Variants in PHLDB2 observed in about 807,000 individuals in gnomAD.
PHLDB2 encodes pleckstrin homology like domain family B member 2.
In PHLDB2, 71 loss-of-function variants were observed where a neutral mutation model predicts 123.6. The ratio of observed to expected loss-of-function variants is 0.57; its 90% confidence interval spans 0.47 to 0.70. PHLDB2 has a LOEUF of 0.70. Ranked by LOEUF, PHLDB2 falls within the 30% of genes least tolerant of loss-of-function variation. The probability of loss-of-function intolerance (pLI) is 0.00; values close to 1 mark genes in which losing one functional copy is unlikely to be tolerated. For synonymous variants in PHLDB2, 547 were observed against 541.6 expected, an observed-to-expected ratio of 1.01 and a Z score of -0.14; for missense variants, 1,446 against 1,519.5, an observed-to-expected ratio of 0.95 and a Z score of 0.80.
chr3:111,950,604 C>CT (rs2070650017), intron 10 of PHLDB2, among the ~76,000 whole-genome samples: 1 of 150,058 alleles, frequency 6.7e-6, no homozygotes, highest in South Asian at 2.1e-4. Flanking sequence ...CTTGGGTATT[C>CT]AAAAAAAAAA....
chr3:111,966,542 GTGTGTGTA>G, intron 13 of PHLDB2, 63 bp from the exon 14 acceptor site: 8 of 891,336 alleles, frequency 9.0e-6, no homozygotes, highest in African/African-American at 1.7e-5. Context: ...GTGTGTGTGT[GTGTGTGTA>G]TGTATTAGAG....
chr3:111,870,702 T>C (rs141000268), intron 1 of PHLDB2, among the ~76,000 whole-genome samples: 1 of 152,142 alleles, frequency 6.6e-6, no homozygotes, highest in Non-Finnish European at 1.5e-5. Flanking sequence ...ACCACAGAAA[T>C]ACCCCCACAG....
chr3:111,951,225 A>C (rs1286601255), intron 10 of PHLDB2, among the ~76,000 whole-genome samples: 2 of 152,178 alleles, frequency 1.3e-5, no homozygotes, highest in Non-Finnish European at 2.9e-5. Flanking sequence ...CATGAATTCT[A>C]GCTCTGCCGC....
chr3:111,760,742 T>C (rs1326859430), intron 1 of PHLDB2, among the ~76,000 whole-genome samples: 1 of 152,146 alleles, frequency 6.6e-6, no homozygotes, highest in South Asian at 2.1e-4. Context: ...GAAGCAAAAT[T>C]TGAATCAGAG....
chr3:111,760,969 G>A (rs2059982386), intron 1 of PHLDB2, among the ~76,000 whole-genome samples: 1 of 151,880 alleles, frequency 6.6e-6, no homozygotes, highest in African/African-American at 2.4e-5. Context: ...GGTGGATCAC[G>A]AGGTCAGGTG....
intron 1 of PHLDB2, among the ~76,000 whole-genome samples, chr3:111,773,327 A>G (rs2060210346): frequency 6.6e-6 from 1 of 152,178 alleles, no homozygotes; most frequent in Admixed American, 6.5e-5. Context: ...AATTCACATT[A>G]AAGTATGAGA....
At chr3:111,852,736 GA>G (rs1186561809) in intron 2 of PHLDB2, among the ~76,000 whole-genome samples, 1 of 142,536 alleles carries the variant, frequency 7.0e-6, no homozygotes, top group African/African-American at 2.6e-5. Flanking sequence ...ACACAGCTGG[GA>G]TAGGTTAATC....
chr3:111,857,745 CA>C (rs2064585974), upstream of PHLDB2, among the ~76,000 whole-genome samples: 1 of 152,044 alleles, frequency 6.6e-6, no homozygotes, highest in African/African-American at 2.4e-5. Flanking sequence ...AAATCAAAAC[CA>C]CAACGAGATA....
At chr3:111,890,897 G>A (rs567881314) in intron 2 of PHLDB2, among the ~76,000 whole-genome samples, 1 of 152,110 alleles carries the variant, frequency 6.6e-6, no homozygotes, top group East Asian at 1.9e-4. Context: ...TCATGCTTTG[G>A]TCATTTTTGC....
At chr3:111,892,513 CTG>C (rs760305388) in intron 2 of PHLDB2, among the ~76,000 whole-genome samples, 2 of 152,138 alleles carry the variant, frequency 1.3e-5, no homozygotes, top group Non-Finnish European at 2.9e-5. Flanking sequence ...TAATCTGTGA[CTG>C]TAGTTTGCAT....
intron 1 of PHLDB2, among the ~76,000 whole-genome samples, chr3:111,834,079 ACT>A (rs1323040766): frequency 8.6e-5 from 9 of 105,088 alleles, no homozygotes; most frequent in South Asian, 3.0e-4. Context: ...AATTATATAT[ACT>A]ATATATGTAA....
At chr3:111,865,092 T>C (rs2065003496) in intron 1 of PHLDB2, among the ~76,000 whole-genome samples, 1 of 152,234 alleles carries the variant, frequency 6.6e-6, no homozygotes, top group Non-Finnish European at 1.5e-5. Flanking sequence ...TTTTGACCAG[T>C]GCAGACCCAG....
chr3:111,901,711 A>G (rs1383663220), intron 2 of PHLDB2, among the ~76,000 whole-genome samples: 1 of 152,228 alleles, frequency 6.6e-6, no homozygotes, highest in African/African-American at 2.4e-5. Flanking sequence ...TAAAGAGATG[A>G]CAGTATGATT....
intron 6 of PHLDB2, among the ~76,000 whole-genome samples, chr3:111,932,763 G>GT (rs1309570522): frequency 1.8e-4 from 28 of 152,062 alleles, no homozygotes; most frequent in African/African-American, 6.8e-4. Context: ...ACCCTTGAAT[G>GT]TTTTGTTCTT....
intron 2 of PHLDB2, among the ~76,000 whole-genome samples, chr3:111,895,080 C>A (rs1218888164): frequency 6.6e-6 from 1 of 151,488 alleles, no homozygotes; most frequent in African/African-American, 2.4e-5. Flanking sequence ...GTTGTCATAC[C>A]TTTTTTCTTT....
intron 1 of PHLDB2, among the ~76,000 whole-genome samples, chr3:111,809,245 A>G (rs1402117576): frequency 6.6e-6 from 1 of 152,240 alleles, no homozygotes; most frequent in Non-Finnish European, 1.5e-5. Flanking sequence ...TCACTAATGT[A>G]TTCACATAAA....
At chr3:111,757,344 G>A (rs879583745) in intron 1 of PHLDB2, among the ~76,000 whole-genome samples, 15 of 152,028 alleles carry the variant, frequency 9.9e-5, no homozygotes, top group East Asian at 3.9e-4. Flanking sequence ...GGCTTTGTTC[G>A]TTTCTTTTTA....
chr3:111,796,932 T>A (rs182738538), intron 1 of PHLDB2, among the ~76,000 whole-genome samples: 1 of 152,372 alleles, frequency 6.6e-6, no homozygotes, highest in Admixed American at 6.5e-5. Context: ...CTTCTAGTGT[T>A]ATTCCCTATT....
intron 1 of PHLDB2, among the ~76,000 whole-genome samples, chr3:111,873,084 C>T (rs2065424850): frequency 6.6e-6 from 1 of 152,310 alleles, no homozygotes; most frequent in South Asian, 2.1e-4. Context: ...CTTTCCTCTA[C>T]AGATATGCAT....
Sources: gnomAD v4.1 joint callset for allele counts (sites outside exome capture counted in the v4.1 genomes callset) on GRCh38, gnomAD v4.1.1 for gene constraint, MANE v1.5 for transcripts, NCBI Gene and HGNC (gene_info 2026-07-23, HGNC 2026-07-21) for gene names.